GPC5: variants seen among roughly 807,000 people sequenced by gnomAD.
The protein encoded by GPC5 is glypican-5.
Under a neutral mutation model 53.9 loss-of-function variants are expected in GPC5, and 47 were observed. The observed-to-expected ratio is 0.87, with a 90% CI of 0.69 to 1.11. GPC5 has a LOEUF of 1.11. GPC5 is among the 50% of genes most tolerant of loss of function. The pLI is 0.00. For synonymous variants in GPC5, 286 were observed against 263.3 expected, an observed-to-expected ratio of 1.09 and a Z score of -0.84; for missense variants, 748 against 713.1, an observed-to-expected ratio of 1.05 and a Z score of -0.56.
chr13:92,522,543 T>C (rs1029663768), intron 7 of GPC5, among the ~76,000 whole-genome samples: 1 of 152,066 alleles, frequency 6.6e-6, no homozygotes, highest in African/African-American at 2.4e-5. Flanking sequence ...CTGCAGGTTC[T>C]CACTCATAGG....
chr13:91,544,819 C>T (rs2030181288), intron 2 of GPC5, among the ~76,000 whole-genome samples: 1 of 152,194 alleles, frequency 6.6e-6, no homozygotes, highest in South Asian at 2.1e-4. Flanking sequence ...GAATGCTTCA[C>T]TGGCTGTTTC....
chr13:92,624,080 A>T (rs1239932220), intron 7 of GPC5, among the ~76,000 whole-genome samples: 3 of 138,966 alleles, frequency 2.2e-5, no homozygotes, highest in East Asian at 4.4e-4. Context: ...CAGGCTGGTA[A>T]TTTTTTTTTT....
chr13:92,257,546 A>ATTTTTTGTTTTTTTTTTTTTTTTTT (rs2042735241), intron 7 of GPC5, among the ~76,000 whole-genome samples: 2 of 72,966 alleles, frequency 2.7e-5, no homozygotes, highest in African/African-American at 7.7e-5. Flanking sequence ...TAATACAGGG[A>ATTTTTTGTTTTTTTTTTTTTTTTTT]TTTTTTTTTT....
rs186226384 is a variant in GPC5, at chr13:92,818,744, G to T, written c.1562-47538G>T. 1.5e-3 allele frequency among the ~76,000 whole-genome samples: 229 copies of T among 152,066 alleles called. 3 individuals carry two copies. Among genetic ancestry groups the T allele is most frequent in the African/African-American group, 5.3e-3 (220 of 41,354 alleles). The stretch of plus-strand genomic sequence containing the variant: ...AGAAACTTGACAGGAACAGCTTGAG[G>T]TATTTGATGAATAATAGAGAACTTC... On this transcript the variant is annotated intron_variant, in intron 7 of 7. Coordinates refer to ENST00000377067, the MANE Select transcript of GPC5 (RefSeq NM_004466.6).
At chr13:92,631,577 T>A (rs888145376) in intron 7 of GPC5, among the ~76,000 whole-genome samples, 4 of 152,134 alleles carry the variant, frequency 2.6e-5, no homozygotes, top group African/African-American at 9.7e-5. Flanking sequence ...TAATAAAAAC[T>A]GTAGCTATTA....
chr13:92,070,724 C>A (rs1467881725), intron 6 of GPC5, among the ~76,000 whole-genome samples: 2 of 152,118 alleles, frequency 1.3e-5, no homozygotes, highest in African/African-American at 2.4e-5. Context: ...TTAAAACATC[C>A]ATTTTTTTCT....
chr13:91,915,901 AT>A (rs1405008204), intron 6 of GPC5, among the ~76,000 whole-genome samples: 1 of 152,174 alleles, frequency 6.6e-6, no homozygotes, highest in Non-Finnish European at 1.5e-5. Context: ...ATTTTTGACA[AT>A]TACTAGACAT....
intron 7 of GPC5, chr13:92,705,902 A>G (rs998215815): frequency 6.6e-6 from 1 of 151,430 alleles, no homozygotes; most frequent in Non-Finnish European, 1.5e-5. Context: ...TCTGGGCAAT[A>G]GAACAAGACC....
intron 7 of GPC5, among the ~76,000 whole-genome samples, chr13:92,239,032 G>A (rs930334718): frequency 1.3e-5 from 2 of 150,906 alleles, no homozygotes; most frequent in East Asian, 3.9e-4. Context: ...TTAGCACCTT[G>A]TTGAAAAAGT....
intron 7 of GPC5, among the ~76,000 whole-genome samples, chr13:92,208,079 T>C (rs925168717): frequency 3.9e-5 from 6 of 152,214 alleles, no homozygotes; most frequent in Non-Finnish European, 8.8e-5. Flanking sequence ...GGAATAGGTC[T>C]GAATTCAGCC....
At chr13:91,543,908 G>C (rs2030118983) in intron 2 of GPC5, among the ~76,000 whole-genome samples, 1 of 152,064 alleles carries the variant, frequency 6.6e-6, no homozygotes, top group Admixed American at 6.5e-5. Context: ...TTAGGTAATT[G>C]TGCTAAATTA....
At chr13:91,549,344 A>G (rs2030489715) in intron 2 of GPC5, among the ~76,000 whole-genome samples, 1 of 152,140 alleles carries the variant, frequency 6.6e-6, no homozygotes, top group Non-Finnish European at 1.5e-5. Context: ...GGGTGTGGTT[A>G]TGACTTTTTA....
chr13:91,830,735 T>C (rs1351490438), intron 5 of GPC5, among the ~76,000 whole-genome samples: 1 of 145,294 alleles, frequency 6.9e-6, no homozygotes, highest in Non-Finnish European at 1.5e-5. Context: ...TATGTGTATA[T>C]ATGTATATAA....
chr13:92,818,387 T>C (rs927775645), intron 7 of GPC5, among the ~76,000 whole-genome samples: 2 of 152,010 alleles, frequency 1.3e-5, no homozygotes, highest in African/African-American at 4.8e-5. Context: ...TAAAAAATAA[T>C]TCTTTATTAA....
intron 2 of GPC5, among the ~76,000 whole-genome samples, chr13:91,597,565 A>G (rs1778231384): frequency 6.6e-6 from 1 of 152,098 alleles, no homozygotes; most frequent in Non-Finnish European, 1.5e-5. Context: ...GCCTGCGCCA[A>G]CACCTCCTTG....
At chr13:91,971,990 T>G (rs2139092650) in intron 6 of GPC5, among the ~76,000 whole-genome samples, 1 of 152,318 alleles carries the variant, frequency 6.6e-6, no homozygotes, top group African/African-American at 2.4e-5. Context: ...GTCTGCTTGG[T>G]GCAGAGCTGA....
intron 7 of GPC5, among the ~76,000 whole-genome samples, chr13:92,302,297 C>T (rs770479586): frequency 6.6e-6 from 1 of 151,694 alleles, no homozygotes; most frequent in Non-Finnish European, 1.5e-5. Context: ...AATAAAGGAC[C>T]CTGATTGTTG....
intron 5 of GPC5, among the ~76,000 whole-genome samples, chr13:91,774,222 ACT>A (rs888592156): frequency 6.6e-6 from 1 of 152,102 alleles, no homozygotes; most frequent in African/African-American, 2.4e-5. Flanking sequence ...GAATATCAAG[ACT>A]CTGTCTCTTG....
chr13:91,523,236 G>A (rs1302421405), intron 2 of GPC5, among the ~76,000 whole-genome samples: 1 of 152,162 alleles, frequency 6.6e-6, no homozygotes, highest in Admixed American at 6.5e-5. Flanking sequence ...CAATCCAGCT[G>A]CTGGGCATAT....
Sources: allele counts gnomAD v4.1 joint callset (sites outside exome capture counted in the v4.1 genomes callset), GRCh38; gene constraint gnomAD v4.1.1; transcripts MANE v1.5; gene names NCBI Gene and HGNC (gene_info 2026-07-23, HGNC 2026-07-21).